Variants in PPP3CA observed in about 807,000 individuals in gnomAD.
PPP3CA encodes protein phosphatase 3 catalytic subunit alpha.
A neutral mutation model predicts 66.5 loss-of-function variants in PPP3CA; 14 were observed. The ratio of observed to expected loss-of-function variants is 0.21; its 90% CI spans 0.14 to 0.33. The LOEUF (loss-of-function observed/expected upper bound fraction) is 0.33. Ranked by LOEUF, PPP3CA falls within the 10% of genes least tolerant of loss-of-function variation. PPP3CA has a pLI of 1.00. For synonymous variants in PPP3CA, 232 were observed against 226.2 expected (o/e 1.03, Z -0.23); for missense variants, 317 against 639.5 (o/e 0.50, Z 5.44).
At chr4:101,247,906 C>A (rs886433362) in intron 1 of PPP3CA, among the ~76,000 whole-genome samples, 6 of 152,096 alleles carry the variant, frequency 3.9e-5, no homozygotes, top group African/African-American at 1.4e-4. Context: ...TATACACACA[C>A]ACACACTTTT....
chr4:101,063,911 T>C (rs1728577719), intron 8 of PPP3CA, among the ~76,000 whole-genome samples: 1 of 151,970 alleles, frequency 6.6e-6, no homozygotes, highest in African/African-American at 2.4e-5. Flanking sequence ...TGCACAGTAA[T>C]CAGATCAGGG....
At chr4:101,256,081 C>A (rs1726831519) in intron 1 of PPP3CA, among the ~76,000 whole-genome samples, 1 of 151,890 alleles carries the variant, frequency 6.6e-6, no homozygotes, top group Non-Finnish European at 1.5e-5. Context: ...AACAGGGGTG[C>A]TGATGTTCTA....
chr4:101,089,497 C>T (rs76066162), intron 6 of PPP3CA, among the ~76,000 whole-genome samples: 2 of 152,050 alleles, frequency 1.3e-5, no homozygotes, highest in Non-Finnish European at 2.9e-5. Flanking sequence ...TGTCAAGATG[C>T]CCCTAAAATT....
At chr4:101,298,556 A>AT (rs1453370389) in intron 1 of PPP3CA, among the ~76,000 whole-genome samples, 1 of 152,076 alleles carries the variant, frequency 6.6e-6, no homozygotes, top group Non-Finnish European at 1.5e-5. Context: ...GGCAACAAGG[A>AT]TGATTATGAT....
At chr4:101,154,594 A>T (rs1310071638) in intron 2 of PPP3CA, among the ~76,000 whole-genome samples, 2 of 152,152 alleles carry the variant, frequency 1.3e-5, no homozygotes, top group Non-Finnish European at 2.9e-5. Flanking sequence ...GATAATAGAG[A>T]GTCACTGGAT....
At chr4:101,153,019 A>C (rs1429734659) in intron 2 of PPP3CA, among the ~76,000 whole-genome samples, 1 of 152,216 alleles carries the variant, frequency 6.6e-6, no homozygotes, top group Non-Finnish European at 1.5e-5. Flanking sequence ...ATTAAATGTT[A>C]GGTATCTAGT....
Position 101,195,973 on chromosome 4 carries a change from C to T in PPP3CA, c.202G>A (p.Gly68Ser). The T allele has an allele frequency of 1.2e-6, 2 of 1,613,954 alleles. No individual in the cohort carries two copies. Among genetic ancestry groups the T allele is most frequent in the African/African-American group, 2.7e-5 (2 of 74,990 alleles). ...ESVALRIITE[G>S]ASILRQEKNL... ...TTTTCCTGTCGAAGAATTGATGCAC[C>T]CTCTGTTATTATTCTCAATGCAACA... Residue 68 changes from glycine (G) to serine (S), a missense_variant, in exon 2 of 14, where the codon GGT (glycine) becomes AGT (serine). Gly to Ser is a moderately conservative substitution (Grantham distance 56). Coordinates refer to ENST00000394854, the MANE Select transcript of PPP3CA (RefSeq NM_000944.5).
At chr4:101,163,812 C>G (rs1723599514) in intron 2 of PPP3CA, among the ~76,000 whole-genome samples, 1 of 151,912 alleles carries the variant, frequency 6.6e-6, no homozygotes, top group Non-Finnish European at 1.5e-5. Context: ...TTAAGGGAAT[C>G]AGAACAGAGT....
chr4:101,161,354 C>T (rs966333464), intron 2 of PPP3CA, among the ~76,000 whole-genome samples: 10 of 152,152 alleles, frequency 6.6e-5, no homozygotes, highest in African/African-American at 2.4e-4. Context: ...AAGCCTCTCC[C>T]TATCACAATG....
intron 3 of PPP3CA, among the ~76,000 whole-genome samples, chr4:101,099,992 G>A (rs1223385018): frequency 2.0e-5 from 3 of 151,784 alleles, no homozygotes; most frequent in Non-Finnish European, 4.4e-5. Flanking sequence ...GTCAACAGAA[G>A]GAGAATTATG....
intron 10 of PPP3CA, among the ~76,000 whole-genome samples, chr4:101,056,252 A>C (rs898616247): frequency 2.6e-5 from 4 of 152,320 alleles, no homozygotes; most frequent in African/African-American, 9.6e-5. Context: ...ATAATACATA[A>C]ATTGCCTAGT....
At chr4:101,090,082 AC>A (rs1729845804) in intron 6 of PPP3CA, among the ~76,000 whole-genome samples, 1 of 152,224 alleles carries the variant, frequency 6.6e-6, no homozygotes, top group Admixed American at 6.5e-5. Context: ...AAGGTTCTCT[AC>A]CAATTTCATG....
At chr4:101,075,005 T>C (rs113739034) in intron 8 of PPP3CA, among the ~76,000 whole-genome samples, 15 of 152,346 alleles carry the variant, frequency 9.8e-5, no homozygotes, top group African/African-American at 1.9e-4. Context: ...GCATGTCTTA[T>C]ATGGTGACAG....
intron 10 of PPP3CA, among the ~76,000 whole-genome samples, chr4:101,052,435 G>T (rs1728051422): frequency 6.6e-6 from 1 of 151,870 alleles, no homozygotes; most frequent in African/African-American, 2.4e-5. Flanking sequence ...AAAGCATAAT[G>T]AAACAAGCAG....
rs75591112 is a variant in PPP3CA at position 101,202,218 on chromosome 4, A to G, written c.59-6102T>C. 8.0e-3 allele frequency among the ~76,000 whole-genome samples: 1,222 copies of G among 152,230 alleles called. 16 individuals carry two copies. The highest frequency in any genetic ancestry group is 0.028 in the African/African-American group (1,174 of 41,554). On this transcript the variant is annotated intron_variant, in intron 1 of 13. Coordinates refer to ENST00000394854, the MANE Select transcript of PPP3CA (RefSeq NM_000944.5). ...ATATTATAAATATTTAATTTTTTAG[A>G]TGACTCCAGGAGATGAAGTTGTTTT...
intron 13 of PPP3CA, among the ~76,000 whole-genome samples, chr4:101,028,498 T>TG (rs1376478395): frequency 6.6e-6 from 1 of 152,158 alleles, no homozygotes; most frequent in Non-Finnish European, 1.5e-5. Flanking sequence ...ATTCATCAAT[T>TG]GAGTGCTACT....
intron 2 of PPP3CA, among the ~76,000 whole-genome samples, chr4:101,113,577 G>A (rs1379197989): frequency 3.0e-4 from 45 of 152,096 alleles, no homozygotes; most frequent in Non-Finnish European, 5.9e-5. Flanking sequence ...GTATTTCATT[G>A]TATTTATTGC....
intron 3 of PPP3CA, among the ~76,000 whole-genome samples, chr4:101,106,478 A>G (rs370060175): frequency 0.032 from 2,384 of 75,372 alleles, 413 homozygotes; most frequent in East Asian, 0.1. Flanking sequence ...AAGAAAAGAA[A>G]AGAAAAGAAA....
chr4:101,139,701 T>G (rs936205436), intron 2 of PPP3CA, among the ~76,000 whole-genome samples: 70 of 137,126 alleles, frequency 5.1e-4, no homozygotes, highest in African/African-American at 1.3e-3. Context: ...TTTGTGTTTT[T>G]TTTTTTTTTT....
Sources: allele counts gnomAD v4.1 joint callset (sites outside exome capture counted in the v4.1 genomes callset), GRCh38; gene constraint gnomAD v4.1.1; transcripts MANE v1.5; gene names NCBI Gene and HGNC (gene_info 2026-07-23, HGNC 2026-07-21).